Variants in FBXL7 observed in about 807,000 individuals in gnomAD.
FBXL7 encodes F-box and leucine rich repeat protein 7.
In FBXL7, 12 loss-of-function variants were observed where a neutral mutation model predicts 38.3. The ratio of observed to expected loss-of-function variants is 0.31; its 90% confidence interval spans 0.20 to 0.51. The LOEUF is 0.51. Ranked by LOEUF, FBXL7 falls within the 20% of genes least tolerant of loss-of-function variation. The pLI is 0.98. For synonymous variants in FBXL7, 297 were observed against 300.9 expected, an observed-to-expected ratio of 0.99 and a Z score of 0.13; for missense variants, 567 against 676.4, an observed-to-expected ratio of 0.84 and a Z score of 1.79.
At chr5:15,815,929 C>G (rs1218122912) in intron 2 of FBXL7, among the ~76,000 whole-genome samples, 1 of 152,128 alleles carries the variant, frequency 6.6e-6, no homozygotes, top group East Asian at 1.9e-4. Context: ...CGTGCTGCAG[C>G]ATTCTCACCA....
intron 2 of FBXL7, among the ~76,000 whole-genome samples, chr5:15,787,191 A>G (rs571621827): frequency 6.6e-6 from 1 of 152,326 alleles, no homozygotes; most frequent in African/African-American, 2.4e-5. Context: ...TTTTTAAGGC[A>G]CCAAGCTCGA....
intron 1 of FBXL7, among the ~76,000 whole-genome samples, chr5:15,564,900 G>T (rs1738522076): frequency 6.6e-6 from 1 of 151,752 alleles, no homozygotes. Context: ...ACAGTTATGT[G>T]GTTTTTATTT....
At chr5:15,619,645 A>G (rs1740562660) in intron 2 of FBXL7, among the ~76,000 whole-genome samples, 1 of 152,194 alleles carries the variant, frequency 6.6e-6, no homozygotes, top group African/African-American at 2.4e-5. Context: ...ACCTTCAGGG[A>G]GCACAGGCAA....
intron 2 of FBXL7, among the ~76,000 whole-genome samples, chr5:15,659,341 T>TA (rs78628243): frequency 0.03 from 4,530 of 151,768 alleles, 103 homozygotes; most frequent in East Asian, 0.054. Context: ...AAACAATAAT[T>TA]AAAAAAAAGT....
intron 2 of FBXL7, among the ~76,000 whole-genome samples, chr5:15,867,799 G>A (rs1012722132): frequency 3.9e-5 from 6 of 152,108 alleles, no homozygotes; most frequent in African/African-American, 1.4e-4. Context: ...ACCCACTGTT[G>A]CTGGCTTTAA....
intron 2 of FBXL7, among the ~76,000 whole-genome samples, chr5:15,726,018 C>T (rs929429157): frequency 6.6e-6 from 1 of 152,070 alleles, no homozygotes; most frequent in Admixed American, 6.6e-5. Flanking sequence ...TCAATTCTGA[C>T]AGTTTTTGCC....
intron 2 of FBXL7, among the ~76,000 whole-genome samples, chr5:15,751,612 A>ATTCTT (rs1287777614): frequency 6.6e-6 from 1 of 152,220 alleles, no homozygotes; most frequent in Non-Finnish European, 1.5e-5. Flanking sequence ...AGGGAATCAC[A>ATTCTT]TTCTTTTCCT....
chr5:15,627,601 T>G (rs1309844937), intron 2 of FBXL7, among the ~76,000 whole-genome samples: 2 of 152,284 alleles, frequency 1.3e-5, no homozygotes, highest in African/African-American at 4.8e-5. Flanking sequence ...GGAGCCCATA[T>G]TTTTGGTGAT....
At chr5:15,814,834 T>C (rs1012171383) in intron 2 of FBXL7, among the ~76,000 whole-genome samples, 6 of 152,154 alleles carry the variant, frequency 3.9e-5, no homozygotes, top group African/African-American at 1.4e-4. Context: ...GCTTACACCT[T>C]TAACATCCCA....
intron 2 of FBXL7, among the ~76,000 whole-genome samples, chr5:15,815,207 AT>A (rs1337936336): frequency 6.6e-6 from 1 of 152,128 alleles, no homozygotes; most frequent in African/African-American, 2.4e-5. Flanking sequence ...ATTTGATAAT[AT>A]TTTTTGCAGC....
chr5:15,781,283 C>T (rs1736983507), intron 2 of FBXL7, among the ~76,000 whole-genome samples: 1 of 151,860 alleles, frequency 6.6e-6, no homozygotes, highest in Non-Finnish European at 1.5e-5. Flanking sequence ...ATTTTTAAAA[C>T]GTTCAAAAAG....
intron 2 of FBXL7, among the ~76,000 whole-genome samples, chr5:15,701,431 T>C (rs1187884328): frequency 6.6e-6 from 1 of 152,198 alleles, no homozygotes; most frequent in Non-Finnish European, 1.5e-5. Flanking sequence ...GTCATTGGGG[T>C]TTCTCCCTTT....
chr5:15,861,836 A>G (rs1579532850), intron 2 of FBXL7, among the ~76,000 whole-genome samples: 5 of 152,172 alleles, frequency 3.3e-5, no homozygotes. Flanking sequence ...TCACCCTGTT[A>G]TATCCGCCAT....
intron 2 of FBXL7, among the ~76,000 whole-genome samples, chr5:15,821,494 A>T (rs547253050): frequency 1.3e-5 from 2 of 152,296 alleles, no homozygotes; most frequent in South Asian, 4.1e-4. Context: ...GCTGAATGGC[A>T]GTTGGATGTT....
rs147103277 is a variant in FBXL7, at chr5:15,711,305, G to A, written c.127+95233G>A. On this transcript the variant is annotated intron_variant, in intron 2 of 3. Coordinates refer to ENST00000504595, the MANE Select transcript of FBXL7 (RefSeq NM_012304.5). The stretch of plus-strand genomic sequence containing the variant: ...CTTGCAGCTGCAACTCTTCAAGCTC[G>A]GCCTCCATGATTGCGTGGCATTCTG... Among the ~76,000 whole-genome samples the A allele has an allele frequency of 8.3e-3, 1,269 of 152,180 alleles. 6 individuals carry two copies. Among genetic ancestry groups the A allele is most frequent in the African/African-American group, 0.023 (941 of 41,496 alleles).
intron 2 of FBXL7, among the ~76,000 whole-genome samples, chr5:15,726,845 G>A (rs1735417369): frequency 1.3e-5 from 2 of 151,984 alleles, no homozygotes; most frequent in South Asian, 4.1e-4. Context: ...TTGATTGGGA[G>A]GAACTTGTGT....
intron 2 of FBXL7, among the ~76,000 whole-genome samples, chr5:15,865,135 C>G (rs1418710831): frequency 6.6e-6 from 1 of 152,168 alleles, no homozygotes; most frequent in Non-Finnish European, 1.5e-5. Flanking sequence ...GAGAAACCAT[C>G]TCTGGCTCCA....
At chr5:15,539,074 A>G (rs780134744) in intron 1 of FBXL7, among the ~76,000 whole-genome samples, 15 of 152,258 alleles carry the variant, frequency 9.9e-5, no homozygotes, top group Non-Finnish European at 1.8e-4. Context: ...GCTGTTTCAC[A>G]TAAAACATAC....
intron 2 of FBXL7, among the ~76,000 whole-genome samples, chr5:15,841,423 TAA>T (rs769280524): frequency 2.0e-5 from 3 of 152,172 alleles, no homozygotes; most frequent in East Asian, 1.9e-4. Context: ...ATAAAAAACA[TAA>T]ATAGAAAAAA....
Sources: allele counts gnomAD v4.1 joint callset (sites outside exome capture counted in the v4.1 genomes callset), GRCh38; gene constraint gnomAD v4.1.1; transcripts MANE v1.5; gene names NCBI Gene and HGNC (gene_info 2026-07-23, HGNC 2026-07-21).